CACNB4: variants seen among roughly 807,000 people sequenced by gnomAD.
CACNB4 encodes the protein calcium voltage-gated channel auxiliary subunit beta 4, also known as voltage-dependent L-type calcium channel subunit beta-4.
CACNB4 carries 32 observed loss-of-function variants against 71.2 expected under a neutral mutation model. That is an observed-to-expected ratio of 0.45 (90% CI 0.34 to 0.60). The LOEUF (loss-of-function observed/expected upper bound fraction) is 0.60. CACNB4 is among the 20% of genes least tolerant of loss of function. The pLI is 0.01. For synonymous variants in CACNB4, 231 were observed against 236.9 expected, an observed-to-expected ratio of 0.97 and a Z score of 0.23; for missense variants, 464 against 647.9, an observed-to-expected ratio of 0.72 and a Z score of 3.08.
Position 151,870,895 on chromosome 2 carries a change from T to C in CACNB4, c.599-34A>G, listed in dbSNP as rs754735173. 18 of 1,533,052 alleles carry C rather than the reference T, an allele frequency of 1.2e-5. No individual in the cohort carries two copies. The Admixed American group carries it at 2.0e-4, about 17-fold the overall frequency. The allele number at this position is 1,533,052 out of a possible 1,614,324, so 95.0% of individuals were successfully genotyped here. Reference sequence around the variant, plus strand: ...CAATAACGAGAGCCATATCAAAATATGTAAACTCTGCAAATGACAGTACAT... The same window carrying C: ...CAATAACGAGAGCCATATCAAAATACGTAAACTCTGCAAATGACAGTACAT... On this transcript the variant is annotated intron_variant, in intron 6 of 13. Transcript: ENST00000539935.
At chr2:151,893,139 G>A (rs989374811) in intron 2 of CACNB4, among the ~76,000 whole-genome samples, 3 of 152,158 alleles carry the variant, frequency 2.0e-5, no homozygotes, top group Admixed American at 6.5e-5. Flanking sequence ...GGAGATTAAT[G>A]CATGATATAG....
In CACNB4 at chr2:151,875,383, A is replaced by G. The variant is rs913461513; in HGVS notation, c.521+1043T>C. On this transcript the variant is annotated intron_variant, in intron 5 of 13. Coordinates refer to ENST00000539935, the MANE Select transcript of CACNB4 (RefSeq NM_000726.5). The stretch of plus-strand genomic sequence containing the variant: ...TACAGAACAAAATGAAAAGTCTCCC[A>G]TGTCTACTTCTTTCTACACAGACAC... Among the ~76,000 whole-genome samples, 4 of 150,804 alleles carry G rather than the reference A, an allele frequency of 2.7e-5. No homozygotes were observed. In the South Asian group the frequency reaches 6.4e-4, roughly 24 times the overall value.
chr2:152,060,797 C>T lies in CACNB4; in HGVS notation c.147+37533G>A, dbSNP rs148436056. ...TCTTATTAACTGGAAAAGATGTCTA[C>T]AATACAGTCTTATATGAAAATATCA... On this transcript the variant is annotated intron_variant, in intron 2 of 13. Transcript: ENST00000539935. 5.6e-3 allele frequency among the ~76,000 whole-genome samples: 852 copies of T among 152,172 alleles called. 4 individuals are homozygous for T. Among genetic ancestry groups the T allele is most frequent in the Middle Eastern group, 0.038 (11 of 292 alleles).
chr2:152,089,340 T>C lies in CACNB4; in HGVS notation c.147+8990A>G, dbSNP rs146901258. On this transcript the variant is annotated intron_variant, in intron 2 of 13. Transcript: ENST00000539935. ...ATTGATGTATTCTAAGATGCAGAGG[T>C]ATAGCAGAGTGTGTTCCCAGGGGTG... is the stretch of plus-strand genomic sequence containing the variant. 8.5e-5 allele frequency among the ~76,000 whole-genome samples: 13 copies of C among 152,260 alleles called. No individual in the cohort carries two copies. In the East Asian group the frequency reaches 2.3e-3, roughly 27 times the overall value.
At chr2:151,917,503 A>G (rs1025984562) in intron 2 of CACNB4, among the ~76,000 whole-genome samples, 3 of 152,182 alleles carry the variant, frequency 2.0e-5, no homozygotes, top group African/African-American at 7.2e-5. Flanking sequence ...GTTTAAAAAT[A>G]TATTTGCTAC....
intron 2 of CACNB4, among the ~76,000 whole-genome samples, chr2:152,096,377 G>C (rs569803797): frequency 6.6e-6 from 1 of 152,092 alleles, no homozygotes; most frequent in Non-Finnish European, 1.5e-5. Context: ...TCAGCTACTC[G>C]GGAGGCTGAG....
Position 151,839,065 on chromosome 2 carries a change from C to T in CACNB4, c.*54G>A, listed in dbSNP as rs2099835514. ...GCCAAGTTAAGATGATTGGTTTATC[C>T]TAGCACTGCTATGGCAAATTGTCAA... On this transcript the variant is annotated 3_prime_UTR_variant, in exon 14 of 14. Coordinates refer to ENST00000539935, the MANE Select transcript of CACNB4 (RefSeq NM_000726.5). 1.3e-6 allele frequency: 2 copies of T among 1,505,974 alleles called. No homozygotes were observed. The highest frequency in any genetic ancestry group is 1.4e-5 in the African/African-American group (1 of 72,624). The allele number at this position is 1,505,974 out of a possible 1,614,324, so 93.3% of individuals were successfully genotyped here.
At chr2:151,967,633 G>A (rs1404329515) in intron 2 of CACNB4, 1 of 151,404 alleles carries the variant, frequency 6.6e-6, no homozygotes, top group Non-Finnish European at 1.5e-5. Context: ...GGGAGATTAA[G>A]GAATAACAGG....
At chr2:152,035,893 T>C (rs1579175229) in intron 2 of CACNB4, among the ~76,000 whole-genome samples, 1 of 152,184 alleles carries the variant, frequency 6.6e-6, no homozygotes, top group African/African-American at 2.4e-5. Flanking sequence ...ACCGCAGCAT[T>C]ATTCACAATA....
At chr2:151,968,844 T>C (rs1008666223) in intron 2 of CACNB4, 5 of 152,206 alleles carry the variant, frequency 3.3e-5, no homozygotes, top group Admixed American at 6.5e-5. Flanking sequence ...CTGGCGAGGA[T>C]TGATCCGAAT....
At chr2:152,074,212 A>G (rs1686866369) in intron 2 of CACNB4, among the ~76,000 whole-genome samples, 1 of 151,810 alleles carries the variant, frequency 6.6e-6, no homozygotes, top group Non-Finnish European at 1.5e-5. Context: ...CACCACCACC[A>G]TCGTTGCCAT....
chr2:152,039,900 A>G (rs928881683), intron 2 of CACNB4, among the ~76,000 whole-genome samples: 3 of 149,804 alleles, frequency 2.0e-5, no homozygotes, highest in Non-Finnish European at 4.5e-5. Context: ...AAAAAGAAGA[A>G]GTTTATGGCA....
intron 4 of CACNB4, among the ~76,000 whole-genome samples, chr2:151,877,554 A>G (rs535242503): frequency 6.6e-6 from 1 of 152,336 alleles, no homozygotes; most frequent in East Asian, 1.9e-4. Context: ...TTAATAGTCC[A>G]TAATTTGTCA....
chr2:151,927,772 G>C (rs2099860616), intron 2 of CACNB4, among the ~76,000 whole-genome samples: 1 of 152,248 alleles, frequency 6.6e-6, no homozygotes, highest in African/African-American at 2.4e-5. Flanking sequence ...TTGTGCAAGT[G>C]AAGACAATGC....
At chr2:151,949,345 G>A (rs1578931535) in intron 2 of CACNB4, among the ~76,000 whole-genome samples, 3 of 151,968 alleles carry the variant, frequency 2.0e-5, no homozygotes, top group Admixed American at 6.6e-5. Flanking sequence ...CTGCCCTTAC[G>A]GAGCCTAGTA....
At chr2:151,940,744 G>A (rs2099864023) in intron 2 of CACNB4, among the ~76,000 whole-genome samples, 1 of 152,124 alleles carries the variant, frequency 6.6e-6, no homozygotes, top group Admixed American at 6.6e-5. Context: ...AACTGTCTAT[G>A]GTGGGCAAAC....
At chr2:151,858,757 C>T (rs2099840905) in intron 10 of CACNB4, 1 of 152,230 alleles carries the variant, frequency 6.6e-6, no homozygotes, top group Non-Finnish European at 1.5e-5. Flanking sequence ...GCATGCTATA[C>T]ACAAATCTAC....
chr2:152,026,595 G>A (rs79830516), intron 2 of CACNB4, among the ~76,000 whole-genome samples: 27,552 of 151,998 alleles, frequency 0.18, 3,775 homozygotes, highest in East Asian at 0.74. Context: ...ATGTTGGCCG[G>A]GCTCGAACTC....
intron 2 of CACNB4, among the ~76,000 whole-genome samples, chr2:152,059,569 G>T (rs369674257): frequency 6.6e-6 from 1 of 152,210 alleles, no homozygotes; most frequent in Non-Finnish European, 1.5e-5. Flanking sequence ...TTTATCCAAC[G>T]CCTGTATCCA....
Sources: allele counts gnomAD v4.1 joint callset (sites outside exome capture counted in the v4.1 genomes callset), GRCh38; gene constraint gnomAD v4.1.1; transcripts MANE v1.5; gene names NCBI Gene and HGNC (gene_info 2026-07-23, HGNC 2026-07-21).